Variants in SRGAP1 observed in about 807,000 individuals in gnomAD.
SRGAP1 encodes SLIT-ROBO Rho GTPase activating protein 1, also known as SLIT-ROBO Rho GTPase-activating protein 1.
SRGAP1 carries 43 observed loss-of-function variants against 121.9 expected under a neutral mutation model. That is an observed-to-expected ratio of 0.35 (90% CI 0.28 to 0.46). The LOEUF is 0.46. Among genes scored for constraint, SRGAP1 ranks in the 20% least tolerant of loss-of-function variants. SRGAP1 has a pLI of 1.00. For missense variants in SRGAP1, 1,102 were observed against 1,350.9 expected (o/e 0.82, Z 2.89); for synonymous variants, 447 against 485.4 (o/e 0.92, Z 1.04).
At chr12:63,851,995 A>C (rs1899090308) in intron 1 of SRGAP1, among the ~76,000 whole-genome samples, 2 of 151,686 alleles carry the variant, frequency 1.3e-5, no homozygotes, top group Admixed American at 1.3e-4. Flanking sequence ...GTATTTATTT[A>C]TTTATTTTTG....
At chr12:63,849,892 G>A (rs1412831218) in intron 1 of SRGAP1, among the ~76,000 whole-genome samples, 1 of 152,146 alleles carries the variant, frequency 6.6e-6, no homozygotes, top group Non-Finnish European at 1.5e-5. Flanking sequence ...TCACATAGTA[G>A]ATATCTAAAT....
intron 4 of SRGAP1, among the ~76,000 whole-genome samples, chr12:64,035,309 G>C (rs1184779293): frequency 2.1e-5 from 3 of 143,140 alleles, no homozygotes; most frequent in African/African-American, 7.6e-5. Flanking sequence ...TTCTCACTCA[G>C]CCTACCCTGA....
At chr12:63,953,391 CTTGA>C (rs1366455694) in intron 1 of SRGAP1, among the ~76,000 whole-genome samples, 2 of 139,778 alleles carry the variant, frequency 1.4e-5, no homozygotes, top group Non-Finnish European at 3.1e-5. Flanking sequence ...ATGTAAGTTT[CTTGA>C]TTGATTTTTT....
chr12:64,123,467 A>T (rs2036634759), intron 18 of SRGAP1, among the ~76,000 whole-genome samples: 1 of 152,172 alleles, frequency 6.6e-6, no homozygotes, highest in Non-Finnish European at 1.5e-5. Context: ...TTATTCTTTA[A>T]GTTTTGAACT....
chr12:64,015,032 G>A (rs2034364316), intron 3 of SRGAP1, among the ~76,000 whole-genome samples: 1 of 152,072 alleles, frequency 6.6e-6, no homozygotes, highest in Non-Finnish European at 1.5e-5. Flanking sequence ...GTCCATACTG[G>A]TCTTCAACTC....
chr12:64,148,889 A>G lies in SRGAP1; in HGVS notation c.*6217A>G, dbSNP rs1261192653. 1 of 151,888 alleles carries G rather than the reference A, an allele frequency of 6.6e-6. No homozygotes were observed. Among genetic ancestry groups the G allele is most frequent in the Non-Finnish European group, 1.5e-5 (1 of 68,040 alleles). 9.4% of individuals were successfully genotyped at this position (151,888 alleles called of 1,614,324 possible). The stretch of plus-strand genomic sequence containing the variant: ...GTGCTCATGCCTCTGTGAATGTATC[A>G]GTATCCTGACTAATCACACCATGGT... On this transcript the variant is annotated 3_prime_UTR_variant, in exon 22 of 22. Coordinates refer to ENST00000355086, the MANE Select transcript of SRGAP1 (RefSeq NM_020762.4).
chr12:63,862,752 T>C (rs916862380), intron 1 of SRGAP1, among the ~76,000 whole-genome samples: 7 of 152,356 alleles, frequency 4.6e-5, no homozygotes, highest in Middle Eastern at 3.4e-3. Flanking sequence ...TTTCTTTTGA[T>C]GTCTTCTCAA....
At chr12:63,936,650 C>T (rs576641368) in intron 1 of SRGAP1, among the ~76,000 whole-genome samples, 22 of 152,186 alleles carry the variant, frequency 1.4e-4, no homozygotes, top group Admixed American at 3.3e-4. Flanking sequence ...GTTCAGCCAG[C>T]GTGTGTAGGT....
At chr12:63,998,575 A>G (rs1251637140) in intron 3 of SRGAP1, among the ~76,000 whole-genome samples, 4 of 152,170 alleles carry the variant, frequency 2.6e-5, no homozygotes, top group African/African-American at 9.6e-5. Flanking sequence ...GAAGGTTCAC[A>G]TGGCACAGAT....
chr12:63,911,363 G>C (rs1371939589), intron 1 of SRGAP1, among the ~76,000 whole-genome samples: 3 of 151,682 alleles, frequency 2.0e-5, no homozygotes, highest in African/African-American at 7.2e-5. Flanking sequence ...CCAGCACAGT[G>C]TTTTTAAACT....
intron 1 of SRGAP1, among the ~76,000 whole-genome samples, chr12:63,904,110 C>T (rs2030078559): frequency 6.6e-6 from 1 of 152,164 alleles, no homozygotes; most frequent in South Asian, 2.1e-4. Flanking sequence ...AGATAACTCC[C>T]ACCCTGAATT....
At chr12:63,916,397 G>A (rs893279316) in intron 1 of SRGAP1, among the ~76,000 whole-genome samples, 3 of 152,170 alleles carry the variant, frequency 2.0e-5, no homozygotes, top group Non-Finnish European at 4.4e-5. Flanking sequence ...CTTTAGGTGG[G>A]TGATGAGAAA....
Position 64,153,204 on chromosome 12 carries a change from A to G in SRGAP1, c.*10532A>G, listed in dbSNP as rs1195647111. On this transcript the variant is annotated 3_prime_UTR_variant, in exon 22 of 22. Coordinates refer to ENST00000355086, the MANE Select transcript of SRGAP1 (RefSeq NM_020762.4). ...AAAACAGGACCATGCTCACGTGGTT[A>G]AAGAGTCAAACACATTCACTGTGAC... 6.6e-6 allele frequency: 1 copy of G among 151,958 alleles called. No individual in the cohort carries two copies. The allele number at this position is 151,958 out of a possible 1,614,324, so 9.4% of individuals were successfully genotyped here.
chr12:64,143,011 G>A lies in SRGAP1; in HGVS notation c.*339G>A. ...TAATGTAGCCCAGCTGAGTCAGAAA[G>A]GTTGTGACCTGAAGGCAGAAGAACC... On this transcript the variant is annotated 3_prime_UTR_variant, in exon 22 of 22. Coordinates refer to ENST00000355086, the MANE Select transcript of SRGAP1 (RefSeq NM_020762.4). The A allele has an allele frequency of 4.1e-6, 1 of 243,784 alleles. No individual in the cohort carries two copies. Among genetic ancestry groups the A allele is most frequent in the Admixed American group, 5.0e-5 (1 of 19,946 alleles). 15.1% of individuals were successfully genotyped at this position (243,784 alleles called of 1,614,324 possible). A position where few individuals can be genotyped will look rare whatever the true frequency, so the allele number is the denominator to read the frequency against.
chr12:63,974,919 T>A (rs1407974928), intron 1 of SRGAP1, among the ~76,000 whole-genome samples: 1 of 152,174 alleles, frequency 6.6e-6, no homozygotes. Context: ...AAATCCTACA[T>A]GTCCAGAGCC....
At chr12:64,112,110 T>C in intron 17 of SRGAP1, 124 bp downstream of exon 17, 1 of 752,928 alleles carries the variant, frequency 1.3e-6, no homozygotes, top group Admixed American at 2.9e-5. Context: ...GAAGAAGCAG[T>C]AAAACTTGAA....
intron 1 of SRGAP1, among the ~76,000 whole-genome samples, chr12:63,894,471 C>CTT (rs557308275): frequency 1.4e-5 from 2 of 145,092 alleles, no homozygotes; most frequent in Non-Finnish European, 3.0e-5. Flanking sequence ...AGCTCACTCT[C>CTT]TTTTTTTTTT....
intron 1 of SRGAP1, among the ~76,000 whole-genome samples, chr12:63,953,399 A>ATTTTTTTTTTTTT (rs34352334): frequency 8.7e-6 from 1 of 114,702 alleles, no homozygotes; most frequent in Non-Finnish European, 1.8e-5. Flanking sequence ...TTCTTGATTG[A>ATTTTTTTTTTTTT]TTTTTTTTTT....
intron 1 of SRGAP1, among the ~76,000 whole-genome samples, chr12:63,980,162 T>C (rs1043373071): frequency 3.3e-5 from 5 of 152,172 alleles, no homozygotes; most frequent in African/African-American, 9.7e-5. Context: ...AAGCGATCCT[T>C]GCACCTCAGC....
Sources: gnomAD v4.1 joint callset for allele counts (sites outside exome capture counted in the v4.1 genomes callset) on GRCh38, gnomAD v4.1.1 for gene constraint, MANE v1.5 for transcripts, NCBI Gene and HGNC (gene_info 2026-07-23, HGNC 2026-07-21) for gene names.